Variants in DRC8 observed in about 807,000 individuals in gnomAD.
DRC8 encodes dynein regulatory complex subunit 8, also known as dynein regulatory complex protein 8.
chr1:245,087,243 A>G, the DRC8 span: 1 of 1,603,228 alleles, frequency 6.2e-7, no homozygotes, highest in Non-Finnish European at 8.5e-7. Flanking sequence ...TGTCTCTCTG[A>G]GGTGAGCCTT....
At chr1:245,082,830 G>A in the DRC8 span, among the ~76,000 whole-genome samples, 1 of 151,924 alleles carries the variant, frequency 6.6e-6, no homozygotes, top group South Asian at 2.1e-4. Flanking sequence ...TCAGCCTCCC[G>A]AGTAGCTGGG....
the DRC8 span, among the ~76,000 whole-genome samples, chr1:245,111,878 T>C: frequency 6.6e-6 from 1 of 151,168 alleles, no homozygotes; most frequent in Admixed American, 6.6e-5. Context: ...TCTATACAAA[T>C]AAAAAAAAAT....
chr1:245,049,597 A>G, the DRC8 span, among the ~76,000 whole-genome samples: 1 of 152,212 alleles, frequency 6.6e-6, no homozygotes, highest in East Asian at 1.9e-4. This position sits in a 1 kb window ranked among gnomAD's most constrained non-coding sequence, Gnocchi z 4.5. Flanking sequence ...AAAAAACTGT[A>G]ATAAGAAAAA....
the DRC8 span, among the ~76,000 whole-genome samples, chr1:245,096,351 C>T: frequency 3.9e-5 from 6 of 152,242 alleles, no homozygotes; most frequent in South Asian, 2.1e-4. Flanking sequence ...ACAGGCGGGA[C>T]GAGGGGCCAA....
At chr1:245,014,052 C>CA in the DRC8 span, among the ~76,000 whole-genome samples, 3,811 of 111,080 alleles carry the variant, frequency 0.034, 160 homozygotes, top group African/African-American at 0.12. Flanking sequence ...AAAAAAAAGA[C>CA]AAAAAAAAAG....
At chr1:245,096,562 A>G in the DRC8 span, among the ~76,000 whole-genome samples, 45 of 152,364 alleles carry the variant, frequency 3.0e-4, 1 homozygote, top group South Asian at 7.5e-3. Flanking sequence ...GAGAGACAGG[A>G]AGACCAATAA....
the DRC8 span, among the ~76,000 whole-genome samples, chr1:244,990,207 C>T: frequency 6.6e-6 from 1 of 152,200 alleles, no homozygotes; most frequent in African/African-American, 2.4e-5. Flanking sequence ...GGCATTTTAT[C>T]GTCTCACATA....
the DRC8 span, among the ~76,000 whole-genome samples, chr1:245,121,209 G>A: frequency 5.9e-5 from 9 of 152,170 alleles, no homozygotes; most frequent in Admixed American, 3.3e-4. Context: ...AGGGAAATAC[G>A]GAGGTGTATT....
At chr1:245,045,756 TGTGG>T in the DRC8 span, among the ~76,000 whole-genome samples, 44,877 of 151,490 alleles carry the variant, frequency 0.3, 6,817 homozygotes, top group Middle Eastern at 0.35. Context: ...TCTGACTGGT[TGTGG>T]ACAGCAGCCA....
the DRC8 span, among the ~76,000 whole-genome samples, chr1:245,068,395 A>T: frequency 1.3e-5 from 2 of 151,944 alleles, no homozygotes; most frequent in African/African-American, 4.8e-5. Flanking sequence ...CTTACATATT[A>T]TTTTTCTGTG....
chr1:244,977,377 A>T, the DRC8 span, among the ~76,000 whole-genome samples: 1 of 152,218 alleles, frequency 6.6e-6, no homozygotes, highest in African/African-American at 2.4e-5. Flanking sequence ...CAATTTGGAA[A>T]TTTGTATTGA....
the DRC8 span, among the ~76,000 whole-genome samples, chr1:244,973,527 A>G: frequency 1.3e-5 from 2 of 152,110 alleles, no homozygotes; most frequent in Non-Finnish European, 2.9e-5. Flanking sequence ...TTTTCCCCAA[A>G]CTTATTCTAT....
chr1:244,995,177 A>G, the DRC8 span, among the ~76,000 whole-genome samples: 18 of 152,144 alleles, frequency 1.2e-4, no homozygotes, highest in African/African-American at 3.6e-4. Context: ...CCTGGCCAAC[A>G]TGGCGAAACC....
chr1:245,021,728 G>T, the DRC8 span, among the ~76,000 whole-genome samples: 1 of 152,182 alleles, frequency 6.6e-6, no homozygotes, highest in South Asian at 2.1e-4. Context: ...GAGCCACTGT[G>T]CCTGGCCCCA....
the DRC8 span, among the ~76,000 whole-genome samples, chr1:244,971,793 ATC>A: frequency 2.6e-5 from 4 of 152,192 alleles, no homozygotes; most frequent in African/African-American, 7.2e-5. Context: ...ACTGCCAACG[ATC>A]TCTCTATTGA....
chr1:244,978,636 C>T, the DRC8 span, among the ~76,000 whole-genome samples: 2 of 151,980 alleles, frequency 1.3e-5, no homozygotes, highest in East Asian at 1.9e-4. Flanking sequence ...ACTGCAGGGG[C>T]GTGCCACTGT....
the DRC8 span, among the ~76,000 whole-genome samples, chr1:245,090,736 T>TTG: frequency 5.3e-5 from 8 of 152,000 alleles, no homozygotes; most frequent in Admixed American, 5.2e-4. Context: ...CTACGTGTCT[T>TTG]TGTCCTACTC....
At chr1:244,974,446 C>T in the DRC8 span, among the ~76,000 whole-genome samples, 36 of 152,112 alleles carry the variant, frequency 2.4e-4, no homozygotes, top group Admixed American at 2.0e-3. Context: ...TGTTACTTTG[C>T]GTGCTTTGAT....
At chr1:245,097,114 T>A in the DRC8 span, among the ~76,000 whole-genome samples, 1 of 152,180 alleles carries the variant, frequency 6.6e-6, no homozygotes. The surrounding 1 kb of genome is among the most constrained non-coding windows in gnomAD (Gnocchi z 5.0). Context: ...AGTAGGGAAG[T>A]CCATTTTCCT....
Sources: gnomAD v4.1 joint callset for allele counts (sites outside exome capture counted in the v4.1 genomes callset) on GRCh38, gnomAD v4.1.1 for gene constraint, Gnocchi (gnomAD v3.1) non-coding constraint, MANE v1.5 for transcripts, NCBI Gene and HGNC (gene_info 2026-07-23, HGNC 2026-07-21) for gene names.